Variants in FAT3 observed in about 807,000 individuals in gnomAD.
The protein encoded by FAT3 is FAT atypical cadherin 3.
Under a neutral mutation model 310.2 loss-of-function variants are expected in FAT3, and 95 were observed. The ratio of observed to expected loss-of-function variants is 0.31; its 90% CI spans 0.26 to 0.36. The LOEUF is 0.36. Among genes scored for constraint, FAT3 ranks in the 10% least tolerant of loss-of-function variants. The pLI is 1.00. For missense variants in FAT3, 5,408 were observed against 5,715.6 expected (o/e 0.95, Z 1.74); for synonymous variants, 2,314 against 2,192.9 (o/e 1.06, Z -1.54).
rs554482073 is a variant in FAT3 at position 92,243,644 on chromosome 11, C to G, written c.-18+18470C>G. On this transcript the variant is annotated intron_variant, in intron 1 of 27. Coordinates refer to ENST00000525166, the MANE Select transcript of FAT3 (RefSeq NM_001367949.2). Reference sequence around the variant, plus strand: ...GTTAATAGAATGCTTCACACTGACTCTTGTCATCAGTGTTTGCAAATGTAA... The same window carrying G: ...GTTAATAGAATGCTTCACACTGACTGTTGTCATCAGTGTTTGCAAATGTAA... Among the ~76,000 whole-genome samples, 7 of 152,162 alleles carry G rather than the reference C, an allele frequency of 4.6e-5. No individual in the cohort carries two copies. The South Asian group carries it at 1.5e-3, about 32-fold the overall frequency.
chr11:92,387,575 G>A (rs1346940898), intron 2 of FAT3, among the ~76,000 whole-genome samples: 5 of 152,196 alleles, frequency 3.3e-5, no homozygotes, highest in African/African-American at 1.2e-4. Flanking sequence ...ACCAGTGGTT[G>A]TGTCTGTGTC....
At chr11:92,745,325 C>T (rs1333913077) in intron 4 of FAT3, among the ~76,000 whole-genome samples, 5 of 152,140 alleles carry the variant, frequency 3.3e-5, no homozygotes, top group South Asian at 4.1e-4. Context: ...TATGATGTCA[C>T]ATCTTGGTTC....
chr11:92,862,631 G>A (rs1242223382), intron 21 of FAT3, among the ~76,000 whole-genome samples: 1 of 152,148 alleles, frequency 6.6e-6, no homozygotes, highest in Non-Finnish European at 1.5e-5. Context: ...ACTTGGCATG[G>A]CCAGATCTTT....
rs1225323168 is a variant in FAT3, at chr11:92,335,663, AGT to A, written c.-17-16432_-17-16431del. Among the ~76,000 whole-genome samples the A allele has an allele frequency of 3.9e-5, 6 of 152,342 alleles. No homozygotes were observed. The East Asian group carries it at 1.2e-3, about 29-fold the overall frequency. Reference sequence around the variant, plus strand: ...CCATCTTAGCCATTTTTAAGTGTACAGTTCAGTAATGTTAAGTATATGCACTT... The same window carrying A: ...CCATCTTAGCCATTTTTAAGTGTACATCAGTAATGTTAAGTATATGCACTT... On this transcript the variant is annotated intron_variant, in intron 1 of 27. Coordinates refer to ENST00000525166, the MANE Select transcript of FAT3 (RefSeq NM_001367949.2).
Position 92,798,624 on chromosome 11 carries a change from A to G in FAT3, c.5611A>G (p.Ile1871Val), listed in dbSNP as rs200568400. ...LTAESPVEVNIEVTDVNDNPP... is the reference protein window; with the variant it reads ...LTAESPVEVNVEVTDVNDNPP... ...TGCAGAGAGTCCCGTTGAAGTCAAC[A>G]TTGAGGTGACAGATGTGAATGATAA... Residue 1871 changes from isoleucine to valine, a missense_variant, in exon 10 of 28, where the codon ATT becomes GTT. By Grantham distance (29) the Ile-to-Val change is conservative. Transcript: ENST00000525166. 1.5e-5 allele frequency: 24 copies of G among 1,613,856 alleles called. No homozygotes were observed. The African/African-American group carries it at 3.1e-4, about 21-fold the overall frequency.
intron 3 of FAT3, among the ~76,000 whole-genome samples, chr11:92,546,078 T>C (rs1262121648): frequency 6.6e-6 from 1 of 152,208 alleles, no homozygotes; most frequent in Non-Finnish European, 1.5e-5. Context: ...GATAACAGAT[T>C]TTTGCTTTTA....
chr11:92,345,473 T>C (rs530128504), intron 1 of FAT3, among the ~76,000 whole-genome samples: 2 of 152,168 alleles, frequency 1.3e-5, no homozygotes, highest in Non-Finnish European at 2.9e-5. Context: ...CTTCAGAACT[T>C]GTTAGAATTT....
intron 3 of FAT3, among the ~76,000 whole-genome samples, chr11:92,562,593 A>G (rs1340959191): frequency 6.6e-6 from 1 of 152,176 alleles, no homozygotes; most frequent in Non-Finnish European, 1.5e-5. Flanking sequence ...AAGAAGTCCC[A>G]TGATATGCTA....
intron 3 of FAT3, among the ~76,000 whole-genome samples, chr11:92,676,665 G>A (rs1302418727): frequency 6.6e-6 from 1 of 152,134 alleles, no homozygotes; most frequent in Non-Finnish European, 1.5e-5. Context: ...AGAAGAAGTG[G>A]ATCTTAGTCA....
chr11:92,287,249 A>G (rs1946582834), intron 1 of FAT3, among the ~76,000 whole-genome samples: 1 of 152,156 alleles, frequency 6.6e-6, no homozygotes, highest in South Asian at 2.1e-4. Flanking sequence ...CCTCCATCCT[A>G]CGAGCTAGTA....
At chr11:92,350,590 A>G (rs67815770) in intron 1 of FAT3, among the ~76,000 whole-genome samples, 12,797 of 152,104 alleles carry the variant, frequency 0.084, 1,013 homozygotes, top group African/African-American at 0.21. Flanking sequence ...AAAAGCATGG[A>G]TTTTAGAGAA....
chr11:92,431,123 A>G (rs1950761967), intron 2 of FAT3, among the ~76,000 whole-genome samples: 1 of 152,180 alleles, frequency 6.6e-6, no homozygotes, highest in South Asian at 2.1e-4. Context: ...TTACAGTCCC[A>G]CCAACAGTGT....
At chr11:92,285,279 A>G (rs58289264) in intron 1 of FAT3, among the ~76,000 whole-genome samples, 99,635 of 150,168 alleles carry the variant, frequency 0.66, 32,859 homozygotes, top group Admixed American at 0.68. Context: ...TTCTAAAAAC[A>G]GTTTTTCTAG....
chr11:92,324,722 G>A (rs1947720816), intron 1 of FAT3, among the ~76,000 whole-genome samples: 1 of 152,184 alleles, frequency 6.6e-6, no homozygotes, highest in African/African-American at 2.4e-5. Context: ...CTCAAAGCAG[G>A]GTTGCTGCAG....
At chr11:92,544,857 C>T (rs553824010) in intron 3 of FAT3, among the ~76,000 whole-genome samples, 2 of 152,282 alleles carry the variant, frequency 1.3e-5, no homozygotes, top group African/African-American at 4.8e-5. Context: ...GATACTAGTG[C>T]TCTAACAGGT....
At chr11:92,505,983 A>T (rs76475424) in intron 2 of FAT3, among the ~76,000 whole-genome samples, 6,715 of 152,200 alleles carry the variant, frequency 0.044, 185 homozygotes, top group East Asian at 0.084. Flanking sequence ...AAACACCATA[A>T]TTAAGGTCAC....
intron 3 of FAT3, among the ~76,000 whole-genome samples, chr11:92,595,017 G>GTGTA (rs1399410088): frequency 2.0e-3 from 302 of 152,100 alleles, no homozygotes; most frequent in African/African-American, 6.9e-3. Flanking sequence ...GTGTGTGTGT[G>GTGTA]TGTGTGTGTA....
intron 21 of FAT3, among the ~76,000 whole-genome samples, chr11:92,865,808 C>A (rs1270443215): frequency 1.3e-5 from 2 of 152,212 alleles, no homozygotes; most frequent in Non-Finnish European, 2.9e-5. Context: ...CAGCAAGGAT[C>A]CTCCATAGCA....
At chr11:92,241,302 C>T (rs1864662277) in intron 1 of FAT3, among the ~76,000 whole-genome samples, 1 of 152,192 alleles carries the variant, frequency 6.6e-6, no homozygotes. Flanking sequence ...CTCCTTGCAA[C>T]TCTCTTTTGC....
Sources: allele counts gnomAD v4.1 joint callset (sites outside exome capture counted in the v4.1 genomes callset), GRCh38; gene constraint gnomAD v4.1.1; transcripts MANE v1.5; gene names NCBI Gene and HGNC (gene_info 2026-07-23, HGNC 2026-07-21).